SEPTIN7: variants seen among roughly 807,000 people sequenced by gnomAD.
The protein encoded by SEPTIN7 is septin 7, also known as septin-7.
Under a neutral mutation model 63.3 loss-of-function variants are expected in SEPTIN7, and 10 were observed. The observed-to-expected ratio is 0.16, with a 90% CI of 0.10 to 0.27. SEPTIN7 has a LOEUF of 0.27. Ranked by LOEUF, SEPTIN7 falls within the 10% of genes least tolerant of loss-of-function variation. SEPTIN7 has a pLI of 1.00. For synonymous variants in SEPTIN7, 131 were observed against 165.3 expected, an observed-to-expected ratio of 0.79 and a Z score of 1.59; for missense variants, 310 against 521.0, an observed-to-expected ratio of 0.59 and a Z score of 3.94.
rs137910491 is a variant in SEPTIN7 at position 35,858,017 on chromosome 7, A to T, written c.170-5535A>T. On this transcript the variant is annotated intron_variant, in intron 3 of 13. Transcript: ENST00000350320. Reference sequence around the variant, plus strand: ...GAGTGCAGTGGTGTCATCTCAGCTCACTGCAGCCTCTTCCTCCTGGTTCAG... The same window carrying T: ...GAGTGCAGTGGTGTCATCTCAGCTCTCTGCAGCCTCTTCCTCCTGGTTCAG... Among the ~76,000 whole-genome samples the T allele has an allele frequency of 9.9e-5, 15 of 151,974 alleles. No individual in the cohort carries two copies. The East Asian group carries it at 2.9e-3, about 29-fold the overall frequency.
intron 3 of SEPTIN7, among the ~76,000 whole-genome samples, chr7:35,841,995 C>A (rs190240174): frequency 2.1e-4 from 32 of 152,196 alleles, no homozygotes; most frequent in African/African-American, 7.2e-4. Context: ...AATAATATCA[C>A]CTTCTGCTTA....
At chr7:35,835,320 G>A (rs1441531350) in intron 3 of SEPTIN7, among the ~76,000 whole-genome samples, 1 of 152,128 alleles carries the variant, frequency 6.6e-6, no homozygotes, top group Admixed American at 6.5e-5. Context: ...CCTGTTGGCG[G>A]AAATAATAGC....
At chr7:35,867,568 T>G (rs952491589) in intron 4 of SEPTIN7, among the ~76,000 whole-genome samples, 12 of 152,280 alleles carry the variant, frequency 7.9e-5, no homozygotes, top group African/African-American at 9.6e-5. Context: ...CAGGCTGGTC[T>G]CGAACTCCTG....
intron 1 of SEPTIN7, among the ~76,000 whole-genome samples, chr7:35,817,786 T>G (rs1411850859): frequency 6.6e-6 from 1 of 152,074 alleles, no homozygotes; most frequent in Non-Finnish European, 1.5e-5. Context: ...TATTTTATTC[T>G]TGATGCTATC....
chr7:35,902,600 C>G (rs1327656247), intron 12 of SEPTIN7: 1 of 152,230 alleles, frequency 6.6e-6, no homozygotes, highest in African/African-American at 2.4e-5. Flanking sequence ...TACCTGCTTT[C>G]TTTTCACTTG....
At chr7:35,831,933 A>T in intron 2 of SEPTIN7, 1 of 301,970 alleles carries the variant, frequency 3.3e-6, no homozygotes, top group Admixed American at 4.9e-5. Context: ...TCTTTTTGCT[A>T]TTTTTTAATG....
chr7:35,842,555 G>C (rs1784459779), intron 3 of SEPTIN7, among the ~76,000 whole-genome samples: 1 of 152,044 alleles, frequency 6.6e-6, no homozygotes, highest in Non-Finnish European at 1.5e-5. Flanking sequence ...ATATAATTGA[G>C]ATTTTTATCA....
At chr7:35,840,603 T>C (rs1784364106) in intron 3 of SEPTIN7, among the ~76,000 whole-genome samples, 1 of 151,994 alleles carries the variant, frequency 6.6e-6, no homozygotes, top group African/African-American at 2.4e-5. Context: ...TAAAAGTTTA[T>C]GCTACTAAAG....
intron 3 of SEPTIN7, among the ~76,000 whole-genome samples, chr7:35,842,884 A>G (rs1784478047): frequency 6.6e-6 from 1 of 152,150 alleles, no homozygotes; most frequent in African/African-American, 2.4e-5. Flanking sequence ...TACCATCAAA[A>G]TCAGAAAGTA....
downstream of SEPTIN7, among the ~76,000 whole-genome samples, chr7:35,911,770 G>T (rs1788745688): frequency 6.6e-6 from 1 of 152,168 alleles, no homozygotes; most frequent in South Asian, 2.1e-4. Context: ...CTCTTAGTAA[G>T]ATCAAAATTT....
chr7:35,832,203 G>A (rs1190809144), intron 2 of SEPTIN7: 8 of 411,870 alleles, frequency 1.9e-5, no homozygotes, highest in Non-Finnish European at 3.8e-5. Flanking sequence ...GTAGGATCAT[G>A]TGAAACCTTG....
chr7:35,813,443 C>T (rs758324755), intron 1 of SEPTIN7, among the ~76,000 whole-genome samples: 1 of 152,006 alleles, frequency 6.6e-6, no homozygotes, highest in African/African-American at 2.4e-5. Flanking sequence ...TTGCAACCTC[C>T]ACCTCCTGGG....
chr7:35,852,339 T>A (rs1785003938), intron 3 of SEPTIN7, among the ~76,000 whole-genome samples: 1 of 152,098 alleles, frequency 6.6e-6, no homozygotes, highest in African/African-American at 2.4e-5. Flanking sequence ...TCTAATGGAC[T>A]ACTATAACCT....
intron 1 of SEPTIN7, among the ~76,000 whole-genome samples, chr7:35,815,611 T>C (rs1789009913): frequency 6.6e-6 from 1 of 152,216 alleles, no homozygotes; most frequent in African/African-American, 2.4e-5. Context: ...TAGAGTATAT[T>C]TGTGTATGCT....
intron 1 of SEPTIN7, chr7:35,802,171 T>G (rs1292206203): frequency 4.3e-6 from 1 of 232,264 alleles, no homozygotes; most frequent in Non-Finnish European, 9.4e-6. Context: ...GTTATTCTCT[T>G]AACGAGCCCT....
intron 3 of SEPTIN7, among the ~76,000 whole-genome samples, chr7:35,838,211 T>C (rs1784176002): frequency 6.6e-6 from 1 of 151,794 alleles, no homozygotes; most frequent in Non-Finnish European, 1.5e-5. Flanking sequence ...GTGTTTTCTA[T>C]TAGCTTGATT....
chr7:35,805,979 G>T (rs1483854548), intron 1 of SEPTIN7, among the ~76,000 whole-genome samples: 10 of 152,170 alleles, frequency 6.6e-5, no homozygotes, highest in African/African-American at 2.4e-4. Flanking sequence ...GGAGGGGAGG[G>T]CTGTCTTGAG....
chr7:35,838,293 CTT>C (rs1231008994), intron 3 of SEPTIN7, among the ~76,000 whole-genome samples: 3 of 14,550 alleles, frequency 2.1e-4, no homozygotes, highest in African/African-American at 9.4e-4. Context: ...TCCTTCCTTC[CTT>C]CCTTCCTTCC....
At chr7:35,911,735 A>T, downstream of SEPTIN7, among the ~76,000 whole-genome samples, 1 of 152,350 alleles carries the variant, frequency 6.6e-6, no homozygotes, top group African/African-American at 2.4e-5. Context: ...GCTAAACATT[A>T]AGGATTTGTG....
Sources: gnomAD v4.1 joint callset for allele counts (sites outside exome capture counted in the v4.1 genomes callset) on GRCh38, gnomAD v4.1.1 for gene constraint, MANE v1.5 for transcripts, NCBI Gene and HGNC (gene_info 2026-07-23, HGNC 2026-07-21) for gene names.